ZNRF3: variants seen among roughly 807,000 people sequenced by gnomAD.
The protein encoded by ZNRF3 is E3 ubiquitin-protein ligase ZNRF3.
A neutral mutation model predicts 72.5 loss-of-function variants in ZNRF3; 23 were observed. The ratio of observed to expected loss-of-function variants is 0.32; its 90% CI spans 0.23 to 0.45. ZNRF3 has a LOEUF of 0.45. ZNRF3 is among the 20% of genes least tolerant of loss of function. ZNRF3 has a pLI of 1.00. For synonymous variants in ZNRF3, 610 were observed against 545.3 expected, an observed-to-expected ratio of 1.12 and a Z score of -1.65; for missense variants, 1,169 against 1,272.1, an observed-to-expected ratio of 0.92 and a Z score of 1.23.
intron 2 of ZNRF3, among the ~76,000 whole-genome samples, chr22:28,991,412 C>T (rs2035952650): frequency 6.6e-6 from 1 of 150,944 alleles, no homozygotes; most frequent in Admixed American, 6.6e-5. Context: ...AGTTTCATGT[C>T]ACAGAGACCC....
At chr22:28,924,090 C>A (rs1159143458) in intron 1 of ZNRF3, among the ~76,000 whole-genome samples, 1 of 152,268 alleles carries the variant, frequency 6.6e-6, no homozygotes, top group Admixed American at 6.5e-5. Context: ...TGAGAGCTCT[C>A]TGCTGATGTA....
At chr22:28,992,280 T>C (rs545528465) in intron 2 of ZNRF3, among the ~76,000 whole-genome samples, 1 of 149,188 alleles carries the variant, frequency 6.7e-6, no homozygotes, top group South Asian at 2.1e-4. Flanking sequence ...TTCCACATAA[T>C]AGAAACTCAG....
intron 1 of ZNRF3, among the ~76,000 whole-genome samples, chr22:28,897,848 C>T (rs75686956): frequency 0.023 from 3,510 of 152,160 alleles, 94 homozygotes; most frequent in African/African-American, 0.056. Flanking sequence ...AATTATTTAC[C>T]GAACCGGAAT....
intron 1 of ZNRF3, among the ~76,000 whole-genome samples, chr22:28,890,533 G>A (rs2033865502): frequency 1.3e-5 from 2 of 152,078 alleles, no homozygotes; most frequent in African/African-American, 2.4e-5. Flanking sequence ...TCTGTGTGGG[G>A]TGTTTATATT....
intron 1 of ZNRF3, among the ~76,000 whole-genome samples, chr22:28,886,778 G>A (rs2033795771): frequency 6.6e-6 from 1 of 151,826 alleles, no homozygotes; most frequent in Non-Finnish European, 1.5e-5. Flanking sequence ...GGGCAACACA[G>A]TTAGACCTGG....
intron 6 of ZNRF3, among the ~76,000 whole-genome samples, chr22:29,047,396 TGCGGG>T (rs555545734): frequency 2.5e-3 from 377 of 152,372 alleles, no homozygotes; most frequent in Non-Finnish European, 3.9e-3. Context: ...TACACATATT[TGCGGG>T]GCAGGGAGCA....
At chr22:29,051,379 T>C (rs986666620) in intron 8 of ZNRF3, among the ~76,000 whole-genome samples, 3 of 150,360 alleles carry the variant, frequency 2.0e-5, no homozygotes, top group Admixed American at 2.0e-4. Context: ...AACCATGGAG[T>C]CGGTTCATGA....
chr22:29,036,723 A>G (rs2036873509), intron 2 of ZNRF3, among the ~76,000 whole-genome samples: 1 of 152,230 alleles, frequency 6.6e-6, no homozygotes, highest in Non-Finnish European at 1.5e-5. Context: ...GGAAACTAGA[A>G]ATGAAAACCA....
At chr22:28,989,776 C>T (rs1024627823) in intron 2 of ZNRF3, among the ~76,000 whole-genome samples, 1 of 152,148 alleles carries the variant, frequency 6.6e-6, no homozygotes, top group Non-Finnish European at 1.5e-5. Context: ...AACCCCCTCC[C>T]CACCACCCAC....
At chr22:28,951,930 C>T (rs1339638791) in intron 1 of ZNRF3, among the ~76,000 whole-genome samples, 1 of 152,234 alleles carries the variant, frequency 6.6e-6, no homozygotes, top group Non-Finnish European at 1.5e-5. Context: ...GCATGTACCT[C>T]TTCCCCTGTG....
rs533510901 is a variant in ZNRF3, at chr22:28,938,146, A to G, written c.301-48930A>G. Among the ~76,000 whole-genome samples the G allele has an allele frequency of 2.6e-5, 4 of 152,186 alleles. No homozygotes were observed. In the East Asian group the frequency reaches 7.7e-4, roughly 29 times the overall value. On this transcript the variant is annotated intron_variant, in intron 1 of 8. Transcript: ENST00000544604. ...CTTCACTCCTACCATCCCACTTCCT[A>G]TATATTTCAGAGTATTTTTTATATA...
At chr22:29,036,700 A>G (rs2036873308) in intron 2 of ZNRF3, among the ~76,000 whole-genome samples, 1 of 152,206 alleles carries the variant, frequency 6.6e-6, no homozygotes, top group Non-Finnish European at 1.5e-5. Context: ...CACAGGGCCT[A>G]CCTATGTCCT....
intron 1 of ZNRF3, among the ~76,000 whole-genome samples, chr22:28,898,771 G>C (rs191399119): frequency 6.6e-5 from 10 of 152,276 alleles, no homozygotes; most frequent in Non-Finnish European, 1.5e-4. Context: ...AAGGACTGTA[G>C]TAGTATTTCT....
At chr22:28,939,580 C>A (rs2034905651) in intron 1 of ZNRF3, among the ~76,000 whole-genome samples, 1 of 152,080 alleles carries the variant, frequency 6.6e-6, no homozygotes, top group Non-Finnish European at 1.5e-5. Flanking sequence ...TGCCCTCAGT[C>A]TTTGCATCCT....
rs2037258161 is a variant in ZNRF3, at chr22:29,054,124, GA to G, written c.*504del. 1 of 152,428 alleles carries G rather than the reference GA, an allele frequency of 6.6e-6. No homozygotes were observed. The highest frequency in any genetic ancestry group is 2.4e-5 in the African/African-American group (1 of 41,454). The allele number at this position is 152,428 out of a possible 1,614,324, so 9.4% of individuals were successfully genotyped here. ...CAGGGCTTCACCTGCCTTAGAAAAT[GA>G]ACCAGAAACTTGAAGTAAAGCTAGT... On this transcript the variant is annotated 3_prime_UTR_variant, in exon 9 of 9. Transcript: ENST00000544604.
chr22:28,904,625 T>C (rs932461426), intron 1 of ZNRF3, among the ~76,000 whole-genome samples: 1 of 152,234 alleles, frequency 6.6e-6, no homozygotes, highest in Non-Finnish European at 1.5e-5. Flanking sequence ...CTCTTTTAAC[T>C]GGAGCAAAAG....
intron 1 of ZNRF3, among the ~76,000 whole-genome samples, chr22:28,924,883 C>T (rs909322641): frequency 6.6e-6 from 1 of 152,140 alleles, no homozygotes; most frequent in Non-Finnish European, 1.5e-5. Flanking sequence ...CAGATCCCAT[C>T]CTGTTGGAAG....
intron 1 of ZNRF3, among the ~76,000 whole-genome samples, chr22:28,982,701 C>T (rs2035787229): frequency 6.6e-6 from 1 of 152,074 alleles, no homozygotes; most frequent in African/African-American, 2.4e-5. Flanking sequence ...AATACTCCAT[C>T]CTTGGGACAG....
intron 2 of ZNRF3, among the ~76,000 whole-genome samples, chr22:28,990,356 A>G (rs1319281150): frequency 1.3e-5 from 2 of 152,236 alleles, no homozygotes; most frequent in Admixed American, 1.3e-4. Flanking sequence ...AAGTTAAAAT[A>G]GAATAAAATT....
Sources: gnomAD v4.1 joint callset for allele counts (sites outside exome capture counted in the v4.1 genomes callset) on GRCh38, gnomAD v4.1.1 for gene constraint, MANE v1.5 for transcripts, NCBI Gene and HGNC (gene_info 2026-07-23, HGNC 2026-07-21) for gene names.